ULK4: variants seen among roughly 807,000 people sequenced by gnomAD.
The protein encoded by ULK4 is inactive serine/threonine-protein kinase ULK4.
A neutral mutation model predicts 160.6 loss-of-function variants in ULK4; 133 were observed. That is an observed-to-expected ratio of 0.83 (90% CI 0.72 to 0.96). The LOEUF is 0.96. Ranked by LOEUF, ULK4 falls within the 40% of genes least tolerant of loss-of-function variation. The pLI is 0.00. For synonymous variants in ULK4, 534 were observed against 539.8 expected (o/e 0.99, Z 0.15); for missense variants, 1,580 against 1,499.5 (o/e 1.05, Z -0.89).
At chr3:41,599,809 C>T (rs1370006813) in intron 31 of ULK4, among the ~76,000 whole-genome samples, 1 of 152,036 alleles carries the variant, frequency 6.6e-6, no homozygotes, top group African/African-American at 2.4e-5. Context: ...AAGTTATCTG[C>T]CTGCCTTGGC....
intron 34 of ULK4, among the ~76,000 whole-genome samples, chr3:41,429,675 T>C (rs760606855): frequency 2.0e-5 from 3 of 150,374 alleles, no homozygotes; most frequent in Non-Finnish European, 3.0e-5. Flanking sequence ...CACTTGTAAG[T>C]GGGATCTGAA....
chr3:41,917,301 C>T (rs2148810033), intron 7 of ULK4, among the ~76,000 whole-genome samples: 1 of 152,030 alleles, frequency 6.6e-6, no homozygotes, highest in African/African-American at 2.4e-5. Context: ...GCCAGGAGTT[C>T]AAGACAAGCT....
intron 34 of ULK4, among the ~76,000 whole-genome samples, chr3:41,438,398 T>A (rs73828027): frequency 0.01 from 1,592 of 152,214 alleles, 20 homozygotes; most frequent in African/African-American, 0.036. Context: ...AGCTGACAAC[T>A]ATACAAGCAT....
chr3:41,943,437 A>G (rs563285762), intron 2 of ULK4, among the ~76,000 whole-genome samples: 10 of 152,182 alleles, frequency 6.6e-5, no homozygotes, highest in Middle Eastern at 3.4e-3. Context: ...GCCCGCTCCC[A>G]CAACCATTCC....
At chr3:41,796,337 TC>T (rs1270476450) in intron 20 of ULK4, among the ~76,000 whole-genome samples, 1 of 151,804 alleles carries the variant, frequency 6.6e-6, no homozygotes, top group African/African-American at 2.4e-5. Flanking sequence ...ACGCCTGTAA[TC>T]CCAGCACTTT....
At chr3:41,652,928 C>T (rs115992008) in intron 30 of ULK4, among the ~76,000 whole-genome samples, 127 of 152,278 alleles carry the variant, frequency 8.3e-4, no homozygotes, top group African/African-American at 3.0e-3. Flanking sequence ...GGGCTTAGGA[C>T]ACACAAATTA....
At chr3:41,922,890 G>A (rs1396149038) in intron 5 of ULK4, among the ~76,000 whole-genome samples, 2 of 152,196 alleles carry the variant, frequency 1.3e-5, no homozygotes, top group African/African-American at 2.4e-5. Context: ...CCCTGAACCA[G>A]GCCAGGTGCG....
In ULK4 at chr3:41,487,383, A is replaced by C. The variant is rs540904199; in HGVS notation, c.3227-24130T>G. 2.6e-5 allele frequency among the ~76,000 whole-genome samples: 4 copies of C among 152,314 alleles called. No homozygotes were observed. In the East Asian group the frequency reaches 7.7e-4, roughly 29 times the overall value. On this transcript the variant is annotated intron_variant, in intron 32 of 36. Transcript: ENST00000301831. The stretch of plus-strand genomic sequence containing the variant: ...ATAGTTCATTTGAAAAGATAAATGC[A>C]TAAGAACGGTGGGATATTTTTGTAA...
intron 31 of ULK4, among the ~76,000 whole-genome samples, chr3:41,598,418 CAT>C (rs767966198): frequency 7.9e-5 from 12 of 152,138 alleles, no homozygotes; most frequent in Admixed American, 2.0e-4. Flanking sequence ...GATAGAGAAA[CAT>C]ATGTAAGCAA....
intron 2 of ULK4, among the ~76,000 whole-genome samples, chr3:41,943,502 T>C (rs558995988): frequency 2.6e-5 from 4 of 152,274 alleles, no homozygotes; most frequent in African/African-American, 7.2e-5. Flanking sequence ...CTCAAGCAGG[T>C]AAAGCAGAAA....
At chr3:41,661,341 GT>G (rs561879072) in intron 30 of ULK4, among the ~76,000 whole-genome samples, 10 of 151,244 alleles carry the variant, frequency 6.6e-5, no homozygotes, top group Non-Finnish European at 1.0e-4. Flanking sequence ...TACTATCTAG[GT>G]TTTTTTTTAG....
intron 21 of ULK4, among the ~76,000 whole-genome samples, chr3:41,773,092 T>C (rs2039459625): frequency 6.6e-6 from 1 of 152,190 alleles, no homozygotes; most frequent in South Asian, 2.1e-4. Context: ...GAGCTATCTA[T>C]GACAAACCCA....
intron 32 of ULK4, among the ~76,000 whole-genome samples, chr3:41,539,365 G>A (rs1206446770): frequency 6.6e-6 from 1 of 152,038 alleles, no homozygotes; most frequent in Non-Finnish European, 1.5e-5. Context: ...CTGAATCTCC[G>A]ATCACTACTC....
chr3:41,257,810 G>A (rs577127332), intron 35 of ULK4, among the ~76,000 whole-genome samples: 1 of 152,170 alleles, frequency 6.6e-6, no homozygotes, highest in South Asian at 2.1e-4. Context: ...CTTCAACAGT[G>A]AAATGGAAAA....
intron 2 of ULK4, among the ~76,000 whole-genome samples, chr3:41,953,701 C>G (rs576798491): frequency 1.4e-4 from 22 of 152,216 alleles, no homozygotes; most frequent in African/African-American, 4.8e-4. Context: ...GTTGGGGGAA[C>G]CTGCTTGTTT....
chr3:41,436,844 G>A (rs1387156089), intron 34 of ULK4, among the ~76,000 whole-genome samples: 1 of 151,982 alleles, frequency 6.6e-6, no homozygotes, highest in East Asian at 1.9e-4. Flanking sequence ...AATTAATTAA[G>A]ACTAGCAAAT....
intron 17 of ULK4, among the ~76,000 whole-genome samples, chr3:41,856,590 C>T (rs1476039218): frequency 2.0e-3 from 102 of 51,978 alleles, no homozygotes; most frequent in Middle Eastern, 0.013. Context: ...TATATATACA[C>T]ATATATATAT....
At chr3:41,695,243 A>G (rs1033829706) in intron 27 of ULK4, among the ~76,000 whole-genome samples, 2 of 152,192 alleles carry the variant, frequency 1.3e-5, no homozygotes, top group African/African-American at 2.4e-5. Flanking sequence ...AAGTTTCAAT[A>G]TATGAAGTTT....
chr3:41,845,423 C>T (rs1310827874), intron 17 of ULK4, among the ~76,000 whole-genome samples: 1 of 152,122 alleles, frequency 6.6e-6, no homozygotes, highest in African/African-American at 2.4e-5. Flanking sequence ...CAACCACCAA[C>T]CACAAAAGGT....
Sources: gnomAD v4.1 joint callset for allele counts (sites outside exome capture counted in the v4.1 genomes callset) on GRCh38, gnomAD v4.1.1 for gene constraint, MANE v1.5 for transcripts, NCBI Gene and HGNC (gene_info 2026-07-23, HGNC 2026-07-21) for gene names.